BRINP3: variants seen among roughly 807,000 people sequenced by gnomAD.
BRINP3 encodes the protein BMP/retinoic acid inducible neural specific 3, also known as BMP/retinoic acid-inducible neural-specific protein 3.
BRINP3 carries 19 observed loss-of-function variants against 71.0 expected under a neutral mutation model. The ratio of observed to expected loss-of-function variants is 0.27; its 90% CI spans 0.19 to 0.39. The LOEUF (loss-of-function observed/expected upper bound fraction) is 0.39, where lower values mean the gene tolerates loss of function less well. Ranked by LOEUF, BRINP3 falls within the 10% of genes least tolerant of loss-of-function variation. The probability of loss-of-function intolerance (pLI) is 1.00; values close to 1 mark genes in which losing one functional copy is unlikely to be tolerated. For synonymous variants in BRINP3, 380 were observed against 337.7 expected, an observed-to-expected ratio of 1.13 and a Z score of -1.37; for missense variants, 959 against 940.8, an observed-to-expected ratio of 1.02 and a Z score of -0.25.
intron 7 of BRINP3, among the ~76,000 whole-genome samples, chr1:190,121,997 A>G (rs1413320948): frequency 6.6e-6 from 1 of 152,222 alleles, no homozygotes; most frequent in Non-Finnish European, 1.5e-5. Context: ...TAATAGAGCA[A>G]TATTACTGTG....
chr1:190,355,186 C>T (rs1412783947), intron 2 of BRINP3, among the ~76,000 whole-genome samples: 1 of 151,792 alleles, frequency 6.6e-6, no homozygotes, highest in Non-Finnish European at 1.5e-5. Flanking sequence ...GAACTATAAA[C>T]TATGCTAAAT....
intron 4 of BRINP3, among the ~76,000 whole-genome samples, chr1:190,239,804 A>G (rs1658880882): frequency 6.6e-6 from 1 of 152,000 alleles, no homozygotes; most frequent in Non-Finnish European, 1.5e-5. Flanking sequence ...ATAAAATGCA[A>G]ATTTGGATTT....
intron 6 of BRINP3, among the ~76,000 whole-genome samples, chr1:190,224,270 T>C (rs1035787027): frequency 4.6e-5 from 7 of 151,780 alleles, no homozygotes; most frequent in Admixed American, 4.0e-4. Context: ...CAAAACAGCA[T>C]AGTACTGGGA....
At chr1:190,382,670 A>T (rs1423625836) in intron 2 of BRINP3, among the ~76,000 whole-genome samples, 1 of 152,172 alleles carries the variant, frequency 6.6e-6, no homozygotes, top group Non-Finnish European at 1.5e-5. Context: ...TTTATCTGAC[A>T]ATTCAAATGC....
chr1:190,331,379 G>A (rs56317812), intron 2 of BRINP3, among the ~76,000 whole-genome samples: 2,496 of 151,854 alleles, frequency 0.016, 64 homozygotes, highest in African/African-American at 0.055. Context: ...ACTTACTGTC[G>A]TCTTGATTTC....
chr1:190,429,667 T>C (rs2102499718), intron 2 of BRINP3, among the ~76,000 whole-genome samples: 1 of 151,350 alleles, frequency 6.6e-6, no homozygotes, highest in South Asian at 2.1e-4. Flanking sequence ...CTCAGCTCAC[T>C]GCAACCTCCA....
At chr1:190,294,433 G>A (rs997393070) in intron 2 of BRINP3, among the ~76,000 whole-genome samples, 1 of 151,578 alleles carries the variant, frequency 6.6e-6, no homozygotes, top group Admixed American at 6.6e-5. Context: ...CTAATTTTTT[G>A]TAGAGATAGG....
chr1:190,145,550 A>G (rs1479897511), intron 7 of BRINP3, among the ~76,000 whole-genome samples: 1 of 152,188 alleles, frequency 6.6e-6, no homozygotes, highest in African/African-American at 2.4e-5. Flanking sequence ...TTCATTTTTA[A>G]AAATTGCATG....
chr1:190,335,606 G>C (rs912187331), intron 2 of BRINP3, among the ~76,000 whole-genome samples: 1 of 151,474 alleles, frequency 6.6e-6, no homozygotes, highest in Non-Finnish European at 1.5e-5. Flanking sequence ...ACCCCAAATG[G>C]ATGTTCAGAC....
intron 2 of BRINP3, among the ~76,000 whole-genome samples, chr1:190,419,096 C>A (rs1359544388): frequency 6.6e-6 from 1 of 151,974 alleles, no homozygotes; most frequent in African/African-American, 2.4e-5. Flanking sequence ...ACAAAGCAAG[C>A]AAATCTTAAA....
chr1:190,238,658 A>T (rs1658759032), intron 4 of BRINP3, among the ~76,000 whole-genome samples: 1 of 151,500 alleles, frequency 6.6e-6, no homozygotes, highest in African/African-American at 2.4e-5. Context: ...TACAGTGGAG[A>T]AACTGGAATT....
At chr1:190,280,960 C>T (rs534217436) in intron 3 of BRINP3, among the ~76,000 whole-genome samples, 2 of 151,850 alleles carry the variant, frequency 1.3e-5, no homozygotes, top group South Asian at 4.2e-4. Flanking sequence ...TATGAAAAAG[C>T]CATATTTTTA....
chr1:190,422,501 A>G (rs917515453), intron 2 of BRINP3, among the ~76,000 whole-genome samples: 3 of 151,842 alleles, frequency 2.0e-5, no homozygotes, highest in African/African-American at 7.2e-5. Flanking sequence ...GGAAGTCAAC[A>G]TGAAAGATGA....
chr1:190,326,306 G>T (rs1666575503), intron 2 of BRINP3, among the ~76,000 whole-genome samples: 1 of 152,038 alleles, frequency 6.6e-6, no homozygotes, highest in African/African-American at 2.4e-5. Flanking sequence ...CCAAAGCAAT[G>T]AATTATTGGC....
At chr1:190,371,595 AG>A (rs1669870336) in intron 2 of BRINP3, among the ~76,000 whole-genome samples, 1 of 152,114 alleles carries the variant, frequency 6.6e-6, no homozygotes, top group Non-Finnish European at 1.5e-5. Flanking sequence ...TATATTTTGA[AG>A]TCAGGTAGTG....
intron 2 of BRINP3, among the ~76,000 whole-genome samples, chr1:190,341,816 A>G (rs1401802493): frequency 1.3e-5 from 2 of 151,844 alleles, no homozygotes; most frequent in South Asian, 4.1e-4. Flanking sequence ...AGCAATACTA[A>G]CACTTTCATG....
At chr1:190,276,683 T>C (rs751223305) in intron 3 of BRINP3, among the ~76,000 whole-genome samples, 2 of 150,850 alleles carry the variant, frequency 1.3e-5, no homozygotes, top group East Asian at 3.9e-4. Context: ...TACATGAGAA[T>C]TGAGGTAGCA....
chr1:190,398,555 T>C (rs1463736266), intron 2 of BRINP3, among the ~76,000 whole-genome samples: 2 of 151,988 alleles, frequency 1.3e-5, no homozygotes, highest in Non-Finnish European at 2.9e-5. Flanking sequence ...TTCTATCATA[T>C]TATCCTTATG....
intron 7 of BRINP3, among the ~76,000 whole-genome samples, chr1:190,143,003 A>G (rs1490879319): frequency 6.6e-6 from 1 of 152,110 alleles, no homozygotes; most frequent in Non-Finnish European, 1.5e-5. Context: ...GTATCTGAGG[A>G]AAGAAAATAG....
Sources: gnomAD v4.1 joint callset for allele counts (sites outside exome capture counted in the v4.1 genomes callset) on GRCh38, gnomAD v4.1.1 for gene constraint, MANE v1.5 for transcripts, NCBI Gene and HGNC (gene_info 2026-07-23, HGNC 2026-07-21) for gene names.